Variants in ZBTB20 observed in about 807,000 individuals in gnomAD.
The protein encoded by ZBTB20 is zinc finger and BTB domain-containing protein 20.
ZBTB20 carries 9 observed loss-of-function variants against 56.9 expected under a neutral mutation model. The observed-to-expected ratio is 0.16, with a 90% confidence interval of 0.10 to 0.28. ZBTB20 has a LOEUF of 0.28. Among genes scored for constraint, ZBTB20 ranks in the 10% least tolerant of loss-of-function variants. The pLI, the probability that ZBTB20 is intolerant of heterozygous loss-of-function variation, is 1.00. For synonymous variants in ZBTB20, 417 were observed against 420.7 expected, an observed-to-expected ratio of 0.99 and a Z score of 0.11; for missense variants, 655 against 1,003.0, an observed-to-expected ratio of 0.65 and a Z score of 4.69.
chr3:115,103,690 A>G (rs1276267632), intron 1 of ZBTB20, among the ~76,000 whole-genome samples: 1 of 152,256 alleles, frequency 6.6e-6, no homozygotes, highest in African/African-American at 2.4e-5. Context: ...CACTCTTCAC[A>G]TAAATTAACT....
chr3:115,146,553 GGT>G (rs1187988528), intron 1 of ZBTB20, among the ~76,000 whole-genome samples: 1 of 152,138 alleles, frequency 6.6e-6, no homozygotes, highest in Non-Finnish European at 1.5e-5. Context: ...AAGAAGGAAA[GGT>G]GTGTCTTCCC....
chr3:114,392,124 T>C (rs990561721), intron 7 of ZBTB20, among the ~76,000 whole-genome samples: 2 of 152,222 alleles, frequency 1.3e-5, no homozygotes, highest in Admixed American at 6.5e-5. Flanking sequence ...GAAATAATTA[T>C]GACAATACTG....
At chr3:114,724,304 C>G (rs1005333194) in intron 5 of ZBTB20, among the ~76,000 whole-genome samples, 1 of 152,132 alleles carries the variant, frequency 6.6e-6, no homozygotes, top group Non-Finnish European at 1.5e-5. Flanking sequence ...TGATTGAGCT[C>G]ATCACATGGT....
chr3:114,354,722 C>T (rs2462783), intron 10 of ZBTB20, among the ~76,000 whole-genome samples: 3,001 of 151,940 alleles, frequency 0.02, 109 homozygotes, highest in African/African-American at 0.067. Flanking sequence ...GCTGGGATTA[C>T]AGGCATGCAC....
At chr3:114,427,667 T>C (rs1443130726) in intron 7 of ZBTB20, among the ~76,000 whole-genome samples, 2 of 152,216 alleles carry the variant, frequency 1.3e-5, no homozygotes, top group African/African-American at 4.8e-5. Flanking sequence ...CTGTAAATAG[T>C]CTCCAAAAAT....
At chr3:114,878,634 T>A (rs1576202650) in intron 4 of ZBTB20, among the ~76,000 whole-genome samples, 1 of 149,080 alleles carries the variant, frequency 6.7e-6, no homozygotes, top group East Asian at 2.0e-4. Flanking sequence ...CCTTTGAAAG[T>A]AAATTCACAT....
chr3:114,953,465 GT>G (rs935886451), intron 3 of ZBTB20, among the ~76,000 whole-genome samples: 34 of 151,540 alleles, frequency 2.2e-4, no homozygotes, highest in Admixed American at 3.9e-4. Flanking sequence ...ATTATACACT[GT>G]TTTCAACAAA....
chr3:115,071,104 T>C (rs1480973867), intron 2 of ZBTB20, 115 bp downstream of exon 2: 1 of 152,132 alleles, frequency 6.6e-6, no homozygotes, highest in African/African-American at 2.4e-5. Context: ...ACATATAAAT[T>C]GTTATTACTG....
chr3:114,648,799 T>TCAACC (rs2059980906), intron 6 of ZBTB20, among the ~76,000 whole-genome samples: 2 of 152,040 alleles, frequency 1.3e-5, no homozygotes, highest in African/African-American at 4.8e-5. Flanking sequence ...TCATTAAATT[T>TCAACC]CAACCCAAAG....
intron 3 of ZBTB20, among the ~76,000 whole-genome samples, chr3:114,917,507 G>A (rs546946816): frequency 6.6e-6 from 1 of 152,054 alleles, no homozygotes; most frequent in Non-Finnish European, 1.5e-5. Context: ...CCCTTCTTGG[G>A]GAAGCATTCT....
rs562311614 is a variant in ZBTB20, at chr3:114,762,355, G to A, written c.-343+38746C>T. 9.9e-5 allele frequency among the ~76,000 whole-genome samples: 15 copies of A among 152,174 alleles called. No homozygotes were observed. The East Asian group carries it at 1.9e-3, about 20-fold the overall frequency. On this transcript the variant is annotated intron_variant, in intron 5 of 11. Transcript: ENST00000675478. Reference sequence around the variant, plus strand: ...CTAACTGCCAGCATTTGCCAACTCCGGGCACTCTGATGCCCTCTCCACATT... The same window carrying A: ...CTAACTGCCAGCATTTGCCAACTCCAGGCACTCTGATGCCCTCTCCACATT...
At chr3:114,690,589 T>A (rs944042058) in intron 6 of ZBTB20, among the ~76,000 whole-genome samples, 3 of 152,108 alleles carry the variant, frequency 2.0e-5, no homozygotes, top group African/African-American at 7.2e-5. Flanking sequence ...GTTCTAAATA[T>A]TTTTAGAATA....
intron 6 of ZBTB20, among the ~76,000 whole-genome samples, chr3:114,674,416 GGTACT>G: frequency 6.6e-6 from 1 of 152,228 alleles, no homozygotes; most frequent in East Asian, 1.9e-4. Flanking sequence ...TATGTAAAGA[GGTACT>G]GTACTTACAT....
intron 6 of ZBTB20, among the ~76,000 whole-genome samples, chr3:114,564,926 A>G (rs562594191): frequency 2.6e-4 from 39 of 152,308 alleles, no homozygotes; most frequent in African/African-American, 9.4e-4. Context: ...GGGTAAAGTT[A>G]ACTCAAATGT....
intron 4 of ZBTB20, among the ~76,000 whole-genome samples, chr3:114,870,756 G>A (rs2075973728): frequency 6.6e-6 from 1 of 151,840 alleles, no homozygotes; most frequent in Admixed American, 6.6e-5. Context: ...TCTTAGTCTT[G>A]GCCACTTTAT....
At chr3:114,794,195 A>G (rs761434318) in intron 5 of ZBTB20, among the ~76,000 whole-genome samples, 1 of 152,040 alleles carries the variant, frequency 6.6e-6, no homozygotes, top group Non-Finnish European at 1.5e-5. Flanking sequence ...TTTGCTGGGT[A>G]GTTGCTGAGT....
intron 1 of ZBTB20, among the ~76,000 whole-genome samples, chr3:115,123,195 C>A (rs962437709): frequency 6.6e-6 from 1 of 152,132 alleles, no homozygotes; most frequent in Non-Finnish European, 1.5e-5. Flanking sequence ...TTAGGACTCT[C>A]ATTAAACATT....
intron 5 of ZBTB20, among the ~76,000 whole-genome samples, chr3:114,793,934 T>C (rs895136261): frequency 3.2e-4 from 49 of 152,034 alleles, no homozygotes; most frequent in African/African-American, 1.1e-3. Flanking sequence ...ACTATTTTTC[T>C]TACCCTCCTA....
chr3:114,620,971 T>C (rs544162594), intron 6 of ZBTB20, among the ~76,000 whole-genome samples: 30 of 152,266 alleles, frequency 2.0e-4, no homozygotes, highest in African/African-American at 7.0e-4. Context: ...AATATGTAAA[T>C]ACAGCATCAA....
Sources: allele counts gnomAD v4.1 joint callset (sites outside exome capture counted in the v4.1 genomes callset), GRCh38; gene constraint gnomAD v4.1.1; transcripts MANE v1.5; gene names NCBI Gene and HGNC (gene_info 2026-07-23, HGNC 2026-07-21).